The following ATP13A1 variants were observed in gnomAD, a reference collection of about 807,000 sequenced individuals.
ATP13A1 encodes ATPase 13A1.
In ATP13A1, 55 loss-of-function variants were observed where a neutral mutation model predicts 134.8. That is an observed-to-expected ratio of 0.41 (90% CI 0.33 to 0.51). The LOEUF (loss-of-function observed/expected upper bound fraction) is 0.51. Ranked by LOEUF, ATP13A1 falls within the 20% of genes least tolerant of loss-of-function variation. The pLI is 0.29. For synonymous variants in ATP13A1, 775 were observed against 725.1 expected, an observed-to-expected ratio of 1.07 and a Z score of -1.10; for missense variants, 1,389 against 1,652.8, an observed-to-expected ratio of 0.84 and a Z score of 2.77.
intron 3 of ATP13A1, among the ~76,000 whole-genome samples, chr19:19,657,804 C>A (rs1311710737): frequency 6.6e-6 from 1 of 152,114 alleles, no homozygotes; most frequent in Non-Finnish European, 1.5e-5. Flanking sequence ...GCAGAAGACA[C>A]TGAGACCCAG....
chr19:19,652,825 G>T, intron 15 of ATP13A1, 105 bp from the exon 16 acceptor site: 1 of 1,431,476 alleles, frequency 7.0e-7, no homozygotes, highest in Non-Finnish European at 9.3e-7. Flanking sequence ...ACAATGGAAG[G>T]CCCTGTTCCC....
intron 17 of ATP13A1, 106 bp from the exon 18 acceptor site, chr19:19,650,046 C>A: frequency 2.0e-6 from 2 of 1,014,968 alleles, no homozygotes; most frequent in Non-Finnish European, 2.9e-6. Flanking sequence ...CTCTCTGGAG[C>A]CCGCACCTCC....
rs1462873180 is a variant in ATP13A1, at chr19:19,659,922, C to T, written c.462G>A (p.Glu154=). The change falls in exon 2 of 26, where the codon GAG becomes GAA. Residue 154 remains glutamate (E), a synonymous_variant. Transcript: ENST00000357324. The part of the protein sequence containing the change: ...VVPTPNNGST[E]LVALHRNEGE... The stretch of plus-strand genomic sequence containing the variant: ...CCTCATTGCGGTGCAGGGCCACGAG[C>T]TCCGTGGAGCCATTGTTGGGGGTTG... 2 of 1,586,598 alleles carry T rather than the reference C, an allele frequency of 1.3e-6. No homozygotes were observed.
intron 1 of ATP13A1, among the ~76,000 whole-genome samples, chr19:19,661,742 C>CCGAGCTGCATGGAGA (rs888665783): frequency 6.6e-6 from 1 of 152,186 alleles, no homozygotes; most frequent in Admixed American, 6.5e-5. Context: ...CTCTGCTAGA[C>CCGAGCTGCATGGAGA]CGAGCTGCAT....
chr19:19,656,892 G>T lies in ATP13A1; in HGVS notation c.931C>A (p.Pro311Thr), dbSNP rs770988301. The T allele has an allele frequency of 6.2e-7, 1 of 1,612,246 alleles. No homozygotes were observed. Among genetic ancestry groups the T allele is most frequent in the South Asian group, 1.1e-5 (1 of 90,842 alleles). ...GGTACGATCTCATCACTGGCAATGG[G>T]CCTCCACTTGCGGCTTCGGTAGACC... ...IQVYRSRKWRPIASDEIVPGD... is the reference protein window; with the variant it reads ...IQVYRSRKWRTIASDEIVPGD... The change falls in exon 6 of 26, where the codon CCC (proline) becomes ACC (threonine). Residue 311 changes from proline (P) to threonine (T), a missense_variant. Coordinates refer to ENST00000357324, the MANE Select transcript of ATP13A1 (RefSeq NM_020410.3). This position sits in a 1 kb window ranked among gnomAD's most constrained non-coding sequence, Gnocchi z 4.6.
chr19:19,649,627 C>T lies in ATP13A1; in HGVS notation c.2572G>A (p.Val858Met), dbSNP rs572499522. The T allele has an allele frequency of 3.8e-5, 61 of 1,613,952 alleles. No homozygotes were observed. The South Asian group carries it at 4.7e-4, about 12-fold the overall frequency. The change falls in exon 19 of 26, where the codon GTG becomes ATG. Residue 858 changes from valine (V) to methionine (M), a missense_variant. Coordinates refer to ENST00000357324, the MANE Select transcript of ATP13A1 (RefSeq NM_020410.3). ...GTGCCATCCCCACACATGAGGGTCA[C>T]GTAGCCCAGCTCCTTCAGGCTGGTG... ...VITSLKELGY[V>M]TLMCGDGTND...
At position 19,649,999 on chromosome 19, in the gene ATP13A1, C is replaced by A. The variant is rs145374587; in HGVS notation, c.2336-59G>T. 32 of 1,451,448 alleles carry A rather than the reference C, an allele frequency of 2.2e-5. No homozygotes were observed. In the African/African-American group the frequency reaches 3.8e-4, roughly 17 times the overall value. The allele number at this position is 1,451,448 out of a possible 1,614,324, so 89.9% of individuals were successfully genotyped here. A position where few individuals can be genotyped will look rare whatever the true frequency, so the allele number is the denominator to read the frequency against. ...TTGGCTGACCGGGCTCAGAAGCACC[C>A]TCCCTCCACTCGGACCCCAGCACCA... On this transcript the variant is annotated intron_variant, in intron 17 of 25. Coordinates refer to ENST00000357324, the MANE Select transcript of ATP13A1 (RefSeq NM_020410.3).
chr19:19,649,691 G>A (rs541166468), intron 18 of ATP13A1, 28 bp from the exon 19 acceptor site: 1 of 1,613,694 alleles, frequency 6.2e-7, no homozygotes, highest in Admixed American at 1.7e-5. Context: ...GGCTGAGCAG[G>A]GGCTGCGTGC....
intron 16 of ATP13A1, among the ~76,000 whole-genome samples, chr19:19,652,284 C>A (rs182459940): frequency 4.6e-5 from 7 of 152,298 alleles, no homozygotes; most frequent in Admixed American, 2.0e-4. Flanking sequence ...CAGTGCCCCC[C>A]ACCCAACTCC....
In ATP13A1 at chr19:19,647,828, G is replaced by A. The variant is rs1299528430; in HGVS notation, c.2633-69C>T. 1.3e-6 allele frequency: 2 copies of A among 1,499,056 alleles called. No individual in the cohort carries two copies. Among genetic ancestry groups the A allele is most frequent in the South Asian group, 1.3e-5 (1 of 79,422 alleles). The allele number at this position is 1,499,056 out of a possible 1,614,324, so 92.9% of individuals were successfully genotyped here. A position where few individuals can be genotyped will look rare whatever the true frequency, so the allele number is the denominator to read the frequency against. On this transcript the variant is annotated intron_variant, in intron 19 of 25. Transcript: ENST00000357324. This position sits in a 1 kb window ranked among gnomAD's most constrained non-coding sequence, Gnocchi z 4.8. ...GGAGGGGAAGATTGCTGGCTTCAGA[G>A]CCACTGGTCCTGAAGTCCCCCAGCT... is the stretch of plus-strand genomic sequence containing the variant.
chr19:19,654,246 C>T, intron 13 of ATP13A1, 102 bp from the exon 14 acceptor site: 1 of 1,275,734 alleles, frequency 7.8e-7, no homozygotes, highest in East Asian at 2.5e-5. Context: ...CTGCCTCCCC[C>T]AGGGCCTGAT....
At position 19,659,803 on chromosome 19, in the gene ATP13A1, G is replaced by C. The variant is rs368325175; in HGVS notation, c.487-12C>G. On this transcript the variant is annotated splice_polypyrimidine_tract_variant and intron_variant, in intron 2 of 25. Coordinates refer to ENST00000357324, the MANE Select transcript of ATP13A1 (RefSeq NM_020410.3). ...AGCCCGTCTTCGCCCTGCGGTAGAAGGTGTGTTTGCCACAGAGGCCCCTGA... is the reference window on the plus strand; with the variant it reads ...AGCCCGTCTTCGCCCTGCGGTAGAACGTGTGTTTGCCACAGAGGCCCCTGA... 4 of 1,612,002 alleles carry C rather than the reference G, an allele frequency of 2.5e-6. No individual in the cohort carries two copies. The highest frequency in any genetic ancestry group is 3.4e-6 in the Non-Finnish European group (4 of 1,178,716).
chr19:19,662,024 T>C (rs925437481), intron 1 of ATP13A1: 22 of 1,554,166 alleles, frequency 1.4e-5, no homozygotes, highest in Non-Finnish European at 1.8e-5. Flanking sequence ...AAACTGAAAC[T>C]CAGAGAGCAG....
chr19:19,647,574 C>T lies in ATP13A1; in HGVS notation c.2793+25G>A, dbSNP rs377566851. On this transcript the variant is annotated intron_variant, in intron 20 of 25. Transcript: ENST00000357324. The surrounding 1 kb of genome is among the most constrained non-coding windows in gnomAD (Gnocchi z 4.8). ...TGTCAGCCCTGGCCAGGATGGGGTG[C>T]AGCACCTCCCCTCTTGGGACTCACC... 6.2e-7 allele frequency: 1 copy of T among 1,612,788 alleles called. No individual in the cohort carries two copies. The highest frequency in any genetic ancestry group is 1.1e-5 in the South Asian group (1 of 90,938).
rs756854912 is a variant in ATP13A1 at position 19,655,263 on chromosome 19, G to C, written c.1535-24C>G. ...GTCTAGGGGCGGGAGTGAGGTCAGG[G>C]GTCCTGCTTGGCCCCAGCCCACTCG... On this transcript the variant is annotated intron_variant, in intron 11 of 25. Coordinates refer to ENST00000357324, the MANE Select transcript of ATP13A1 (RefSeq NM_020410.3). This position sits in a 1 kb window ranked among gnomAD's most constrained non-coding sequence, Gnocchi z 5.7. 6.2e-7 allele frequency: 1 copy of C among 1,613,954 alleles called. No homozygotes were observed.
Position 19,653,124 on chromosome 19 carries a change from T to C in ATP13A1, c.2101-404A>G, listed in dbSNP as rs1413840668. On this transcript the variant is annotated intron_variant, in intron 15 of 25. Coordinates refer to ENST00000357324, the MANE Select transcript of ATP13A1 (RefSeq NM_020410.3). The surrounding 1 kb of genome is among the most constrained non-coding windows in gnomAD (Gnocchi z 4.2). ...ACCCCTGGCCTTAGGGAGCTCACAC[T>C]GCACCAGGGGAGACGCATGATCAAG... The C allele has an allele frequency of 2.5e-5, 5 of 199,110 alleles. No individual in the cohort carries two copies. The highest frequency in any genetic ancestry group is 4.1e-5 in the Non-Finnish European group (4 of 96,534). 12.3% of individuals were successfully genotyped at this position (199,110 alleles called of 1,614,324 possible). A position where few individuals can be genotyped will look rare whatever the true frequency, so the allele number is the denominator to read the frequency against.
In ATP13A1 at chr19:19,647,224, C is replaced by T. The variant is rs752349534; in HGVS notation, c.3010G>A (p.Val1004Ile). ...NALILAYSQS[V>I]LYLEGVKFSD... is the part of the protein sequence containing the mutation. ...AACTTGACTCCCTCCAGGTAGAGGA[C>T]GCTCTGGCTGTAGGCCAGGATGAGG... Residue 1004 changes from valine (V) to isoleucine (I), a missense_variant, in exon 22 of 26, where the codon GTC becomes ATC. By Grantham distance (29) the Val-to-Ile change is conservative. Coordinates refer to ENST00000357324, the MANE Select transcript of ATP13A1 (RefSeq NM_020410.3). The surrounding 1 kb of genome is among the most constrained non-coding windows in gnomAD (Gnocchi z 4.8). 7 of 1,613,942 alleles carry T rather than the reference C, an allele frequency of 4.3e-6. No individual in the cohort carries two copies. The highest frequency in any genetic ancestry group is 2.2e-5 in the South Asian group (2 of 91,086).
chr19:19,653,246 G>T lies in ATP13A1; in HGVS notation c.2101-526C>A. 1 of 182,682 alleles carries T rather than the reference G, an allele frequency of 5.5e-6. No individual in the cohort carries two copies. Among genetic ancestry groups the T allele is most frequent in the Non-Finnish European group, 1.2e-5 (1 of 85,832 alleles). The allele number at this position is 182,682 out of a possible 1,614,324, so 11.3% of individuals were successfully genotyped here. ...GGCCTCAGAAGTGGCCACTATGAAG[G>T]CGATGAGGACCTGTGTCACTGGGAA... On this transcript the variant is annotated intron_variant, in intron 15 of 25. Transcript: ENST00000357324. The surrounding 1 kb of genome is among the most constrained non-coding windows in gnomAD (Gnocchi z 4.2).
Position 19,653,880 on chromosome 19 carries a change from C to A in ATP13A1, c.2004G>T (p.Pro668=). The A allele has an allele frequency of 1.3e-6, 2 of 1,566,872 alleles. No individual in the cohort carries two copies. The highest frequency in any genetic ancestry group is 1.7e-6 in the Non-Finnish European group (2 of 1,156,742). Residue 668 remains proline (P), a synonymous_variant, in exon 15 of 26, where the codon CCG becomes CCT. Transcript: ENST00000357324. The surrounding 1 kb of genome is among the most constrained non-coding windows in gnomAD (Gnocchi z 4.2). ...ETLHSMFSQC[P]PDYHHIHTEI... is the part of the protein sequence containing the mutation. ...CGGTGTGGATGTGGTGGTAGTCGGG[C>A]GGGCACTGGGAGAACTGCAGGGAAT...
Sources: gnomAD v4.1 joint callset for allele counts (sites outside exome capture counted in the v4.1 genomes callset) on GRCh38, gnomAD v4.1.1 for gene constraint, Gnocchi (gnomAD v3.1) non-coding constraint, MANE v1.5 for transcripts, NCBI Gene and HGNC (gene_info 2026-07-23, HGNC 2026-07-21) for gene names.